POLE: variants seen among roughly 807,000 people sequenced by gnomAD.
POLE encodes DNA polymerase epsilon catalytic subunit A.
A neutral mutation model predicts 279.2 loss-of-function variants in POLE; 188 were observed. That is an observed-to-expected ratio of 0.67 (90% CI 0.60 to 0.76). The LOEUF (loss-of-function observed/expected upper bound fraction) is 0.76. POLE is among the 30% of genes least tolerant of loss of function. The pLI, the probability that POLE is intolerant of heterozygous loss-of-function variation, is 0.00. For synonymous variants in POLE, 1,214 were observed against 1,172.5 expected (o/e 1.04, Z -0.72); for missense variants, 2,703 against 3,016.7 (o/e 0.90, Z 2.44).
At chr12:132,655,809 G>C (rs574259536) in intron 29 of POLE, among the ~76,000 whole-genome samples, 44 of 152,186 alleles carry the variant, frequency 2.9e-4, no homozygotes, top group Non-Finnish European at 2.2e-4. Context: ...CCTGGTATAC[G>C]TATTTTTTAC....
intron 39 of POLE, chr12:132,640,981 G>C (rs767141978): frequency 1.8e-5 from 8 of 456,674 alleles, no homozygotes; most frequent in Non-Finnish European, 3.5e-5. Context: ...CTGAGTACAG[G>C]CTCTGGAATT....
In POLE at chr12:132,661,634, G is replaced by A. The variant is rs2135949177; in HGVS notation, c.2757C>T (p.Leu919=). 1 of 1,614,206 alleles carries A rather than the reference G, an allele frequency of 6.2e-7. No individual in the cohort carries two copies. Residue 919 remains leucine (L), a synonymous_variant, in exon 24 of 49, where the codon CTC becomes CTT. Transcript: ENST00000320574. The surrounding 1 kb of genome is among the most constrained non-coding windows in gnomAD (Gnocchi z 4.1). ...QYQELAEPSS[L]TYVTRSENSI... ...TGTTCTCTGAGCGGGTGACGTAGGT[G>A]AGTGAGGACGGCTCAGCCAGCTCCT... is the stretch of plus-strand genomic sequence containing the variant.
Position 132,679,533 on chromosome 12 carries a change from T to A in POLE, c.542A>T (p.Asp181Val), listed in dbSNP as rs1555230076. Residue 181 changes from aspartate (D) to valine (V), a missense_variant, in exon 6 of 49, where the codon GAT becomes GTT. Around this residue, in one of 5 missense-constraint regions of POLE, gnomAD observed 1,011 missense variants for 1,111.7 expected, o/e 0.91. Coordinates refer to ENST00000320574, the MANE Select transcript of POLE (RefSeq NM_006231.4). ...SPAVKKNREQDHASDAYTALL... is the reference protein window; with the variant it reads ...SPAVKKNREQVHASDAYTALL... Reference sequence around the variant, plus strand: ...AGCTGTGTACGCGTCGCTGGCGTGATCCTGCTCCCTGTTCTTCTTCACGGC... The same window carrying A: ...AGCTGTGTACGCGTCGCTGGCGTGAACCTGCTCCCTGTTCTTCTTCACGGC... 1 of 1,614,058 alleles carries A rather than the reference T, an allele frequency of 6.2e-7. No homozygotes were observed.
intron 45 of POLE, among the ~76,000 whole-genome samples, chr12:132,627,948 A>G (rs2041867516): frequency 6.6e-6 from 1 of 152,220 alleles, no homozygotes; most frequent in Non-Finnish European, 1.5e-5. Flanking sequence ...TTCTTTCAAA[A>G]TTGGAGTCGG....
At chr12:132,669,046 T>A in intron 16 of POLE, 107 bp from the exon 17 acceptor site, 1 of 1,058,116 alleles carries the variant, frequency 9.5e-7, no homozygotes, top group Non-Finnish European at 1.3e-6. Context: ...GAAAAATATA[T>A]AAATAGAGCA....
chr12:132,648,360 A>G (rs2138591442), intron 32 of POLE, among the ~76,000 whole-genome samples: 1 of 152,020 alleles, frequency 6.6e-6, no homozygotes, highest in African/African-American at 2.4e-5. Context: ...GAGGGGGAAT[A>G]TCAGGATAAA....
At chr12:132,650,168 C>T in intron 29 of POLE, 1 of 435,966 alleles carries the variant, frequency 2.3e-6, no homozygotes, top group Non-Finnish European at 4.2e-6. Context: ...ATGATCACAC[C>T]ACTGAACTCC....
chr12:132,647,760 G>A (rs1023901776), intron 32 of POLE, among the ~76,000 whole-genome samples: 2 of 152,038 alleles, frequency 1.3e-5, no homozygotes, highest in African/African-American at 4.8e-5. Flanking sequence ...ACAGCACCAC[G>A]CATCGAAAGG....
In POLE at chr12:132,643,900, T is replaced by A. The variant is rs1593736110; in HGVS notation, c.4227A>T (p.Glu1409Asp). Reference sequence around the variant, plus strand: ...GCTCAGCGTTGATCTCGTTGATGTGTTCCTGGTACATGTCCTCTGGCACTG... The same window carrying A: ...GCTCAGCGTTGATCTCGTTGATGTGATCCTGGTACATGTCCTCTGGCACTG... ...EYSVPEDMYQ[E>D]HINEINAELS... is the part of the protein sequence containing the mutation. Residue 1409 changes from glutamate (E) to aspartate (D), a missense_variant, in exon 33 of 49, where the codon GAA becomes GAT. This residue lies in a region of POLE where 1,551 missense variants were observed against 1,686.1 expected (regional missense o/e 0.92). Coordinates refer to ENST00000320574, the MANE Select transcript of POLE (RefSeq NM_006231.4). 1.9e-6 allele frequency: 3 copies of A among 1,614,164 alleles called. No individual in the cohort carries two copies. The highest frequency in any genetic ancestry group is 1.7e-6 in the Non-Finnish European group (2 of 1,180,006).
rs1565981717 is a variant in POLE, at chr12:132,681,236, CCA to C, written c.104_105del (p.Leu35ArgfsTer8). 1 of 1,614,230 alleles carries C rather than the reference CCA, an allele frequency of 6.2e-7. No homozygotes were observed. Among genetic ancestry groups the C allele is most frequent in the East Asian group, 2.2e-5 (1 of 44,890 alleles). The stretch of plus-strand genomic sequence containing the variant: ...ATCTTATCCGTCCACTGACTCCGTT[CCA>C]GGCGCTTGAGTGCCGAAACTGAGGA... ...ATSSVSALKRLERSQWTDKMD... is the reference protein window; with the variant it reads ...ATSSVSALKRXERSQWTDKMD... On this transcript the variant is annotated frameshift_variant, in exon 2 of 49. Coordinates refer to ENST00000320574, the MANE Select transcript of POLE (RefSeq NM_006231.4). LOFTEE classifies it high-confidence loss of function.
chr12:132,666,137 C>T (rs1175585973), intron 20 of POLE, among the ~76,000 whole-genome samples: 1 of 152,204 alleles, frequency 6.6e-6, no homozygotes, highest in Non-Finnish European at 1.5e-5. Context: ...ATGTTGAAAC[C>T]AGGATTGCTC....
intron 45 of POLE, among the ~76,000 whole-genome samples, chr12:132,628,770 C>T (rs2041883290): frequency 1.3e-5 from 2 of 152,244 alleles, no homozygotes; most frequent in South Asian, 4.1e-4. Context: ...TTGGTCACAT[C>T]TTCAGGCTCC....
At position 132,675,731 on chromosome 12, in the gene POLE, T is replaced by C; in HGVS notation, c.1106+4A>G. 6.2e-7 allele frequency: 1 copy of C among 1,612,792 alleles called. No homozygotes were observed. Reference sequence around the variant, plus strand: ...AGTTACTCATAGAGAAGACACAGACTCACCAGTCAAAAAAGTCCCCGTTGT... The same window carrying C: ...AGTTACTCATAGAGAAGACACAGACCCACCAGTCAAAAAAGTCCCCGTTGT... On this transcript the variant is annotated splice_donor_region_variant and intron_variant, in intron 11 of 48. Coordinates refer to ENST00000320574, the MANE Select transcript of POLE (RefSeq NM_006231.4). The surrounding 1 kb of genome is among the most constrained non-coding windows in gnomAD (Gnocchi z 4.3).
intron 3 of POLE, 125 bp downstream of exon 3, chr12:132,680,482 G>A: frequency 1.3e-6 from 1 of 767,180 alleles, no homozygotes; most frequent in South Asian, 1.6e-5. Context: ...GGCCTCCAGG[G>A]GCCCGAGTTC....
chr12:132,664,164 G>GAGAAA lies in POLE; in HGVS notation c.2562-17_2562-16insTTTCT. The GAGAAA allele has an allele frequency of 6.2e-7, 1 of 1,613,272 alleles. No homozygotes were observed. The highest frequency in any genetic ancestry group is 8.5e-7 in the Non-Finnish European group (1 of 1,179,786). On this transcript the variant is annotated splice_polypyrimidine_tract_variant and intron_variant, in intron 22 of 48. Transcript: ENST00000320574. The surrounding 1 kb of genome is among the most constrained non-coding windows in gnomAD (Gnocchi z 5.3). Reference sequence around the variant, plus strand: ...TAAGGGCCTCCTTCAGAGAAAGAGAGGAGCAAGGTCGTGAGTTCCCCTTTC... The same window carrying GAGAAA: ...TAAGGGCCTCCTTCAGAGAAAGAGAGAGAAAGAGCAAGGTCGTGAGTTCCCCTTTC...
intron 14 of POLE, 94 bp downstream of exon 14, chr12:132,673,070 C>G (rs2042966895): frequency 1.1e-6 from 1 of 904,580 alleles, no homozygotes; most frequent in African/African-American, 1.6e-5. Context: ...GGTGCCAGCA[C>G]TCCTGGGACA....
chr12:132,658,850 A>G (rs531955327), intron 26 of POLE, among the ~76,000 whole-genome samples: 1 of 116,978 alleles, frequency 8.5e-6, no homozygotes, highest in East Asian at 3.0e-4. Context: ...CCATGCAGGC[A>G]TTTGTACTGG....
chr12:132,672,570 TG>T, intron 15 of POLE, 56 bp downstream of exon 15: 1 of 1,549,682 alleles, frequency 6.5e-7, no homozygotes, highest in Middle Eastern at 1.7e-4. Context: ...CTGCAGCTTC[TG>T]GGTCCTACCA....
At position 132,680,643 on chromosome 12, in the gene POLE, A is replaced by G. The variant is rs374225370; in HGVS notation, c.249T>C (p.Asp83=). Reference sequence around the variant, plus strand: ...TTCCGTCATCTTGAATAAAGTAGTAATCCACTGCACTGCCTAAGCGCTTAT... The same window carrying G: ...TTCCGTCATCTTGAATAAAGTAGTAGTCCACTGCACTGCCTAAGCGCTTAT... ...DEDKRLGSAV[D]YYFIQDDGSR... is the part of the protein sequence containing the mutation. Residue 83 remains aspartate (D), a synonymous_variant, in exon 3 of 49, where the codon GAT becomes GAC. Coordinates refer to ENST00000320574, the MANE Select transcript of POLE (RefSeq NM_006231.4). The G allele has an allele frequency of 8.7e-6, 14 of 1,614,010 alleles. No individual in the cohort carries two copies. Among genetic ancestry groups the G allele is most frequent in the Non-Finnish European group, 1.2e-5 (14 of 1,179,938 alleles).
Sources: allele counts gnomAD v4.1 joint callset (sites outside exome capture counted in the v4.1 genomes callset), GRCh38; gene constraint gnomAD v4.1.1; regional missense constraint gnomAD v4.1.1; non-coding constraint Gnocchi (gnomAD v3.1); transcripts MANE v1.5; gene names NCBI Gene and HGNC (gene_info 2026-07-23, HGNC 2026-07-21).